The following CFAP77 variants were observed in gnomAD, a reference collection of about 807,000 sequenced individuals.
The protein encoded by CFAP77 is cilia- and flagella-associated protein 77.
Under a neutral mutation model 31.1 loss-of-function variants are expected in CFAP77, and 25 were observed. The ratio of observed to expected loss-of-function variants is 0.80; its 90% confidence interval spans 0.59 to 1.12. The LOEUF (loss-of-function observed/expected upper bound fraction) is 1.12. Ranked by LOEUF, CFAP77 falls within the 50% of genes most tolerant of loss-of-function variation. The pLI is 0.00. For synonymous variants in CFAP77, 151 were observed against 159.9 expected (o/e 0.94, Z 0.42); for missense variants, 377 against 397.3 (o/e 0.95, Z 0.44).
intron 1 of CFAP77, among the ~76,000 whole-genome samples, chr9:132,425,301 A>G (rs1299903144): frequency 6.6e-6 from 1 of 152,088 alleles, no homozygotes. Flanking sequence ...AGGCTCTGTG[A>G]GCAGAAGGGC....
rs1055451563 is a variant in CFAP77, at chr9:132,455,119, G to A, written c.196-43576G>A. On this transcript the variant is annotated intron_variant, in intron 1 of 5. Transcript: ENST00000393216. This position sits in a 1 kb window ranked among gnomAD's most constrained non-coding sequence, Gnocchi z 4.1. ...TTGTTCTACTCGCAGATCCTAGCTG[G>A]CCCTTTCCTAGGCTTTATCAGGCCT... Among the ~76,000 whole-genome samples, 1 of 152,184 alleles carries A rather than the reference G, an allele frequency of 6.6e-6. No individual in the cohort carries two copies. Among genetic ancestry groups the A allele is most frequent in the African/African-American group, 2.4e-5 (1 of 41,446 alleles).
intron 3 of CFAP77, among the ~76,000 whole-genome samples, chr9:132,515,812 C>T (rs1013136505): frequency 1.3e-5 from 2 of 152,238 alleles, no homozygotes; most frequent in African/African-American, 4.8e-5. Flanking sequence ...GAAGGCCACA[C>T]ACTCTCCAGG....
intron 1 of CFAP77, among the ~76,000 whole-genome samples, chr9:132,458,350 G>GA (rs992249198): frequency 7.3e-6 from 1 of 136,454 alleles, no homozygotes; most frequent in Non-Finnish European, 1.6e-5. Flanking sequence ...GGCGGGGGAG[G>GA]GGGGGGGGTG....
intron 5 of CFAP77, among the ~76,000 whole-genome samples, chr9:132,558,776 G>T (rs1470758443): frequency 6.6e-6 from 1 of 152,016 alleles, no homozygotes; most frequent in African/African-American, 2.4e-5. Context: ...ACTTTGGGAG[G>T]CTAAGATGGG....
intron 1 of CFAP77, among the ~76,000 whole-genome samples, chr9:132,434,396 G>A (rs997431710): frequency 1.3e-5 from 2 of 152,076 alleles, no homozygotes; most frequent in African/African-American, 4.8e-5. Flanking sequence ...GCAGTACTTG[G>A]CATAAAGTAG....
At chr9:132,571,027 C>T (rs748686957) in intron 5 of CFAP77, among the ~76,000 whole-genome samples, 2 of 152,138 alleles carry the variant, frequency 1.3e-5, no homozygotes, top group Admixed American at 1.3e-4. Flanking sequence ...CCCTCTACCC[C>T]CTTTTAATAT....
At chr9:132,532,228 G>A (rs901137655) in intron 3 of CFAP77, among the ~76,000 whole-genome samples, 1 of 152,212 alleles carries the variant, frequency 6.6e-6, no homozygotes. Context: ...GCTCAGCCCC[G>A]GCCCAAAGAG....
chr9:132,571,786 C>T (rs1829962416), intron 5 of CFAP77, among the ~76,000 whole-genome samples: 1 of 151,992 alleles, frequency 6.6e-6, no homozygotes, highest in African/African-American at 2.4e-5. Flanking sequence ...GGGTCTTCAC[C>T]CACCACCATT....
At chr9:132,492,221 G>C (rs141301194) in intron 1 of CFAP77, among the ~76,000 whole-genome samples, 3 of 152,114 alleles carry the variant, frequency 2.0e-5, no homozygotes, top group African/African-American at 7.2e-5. Flanking sequence ...CTGGAATGTC[G>C]AGGCTGTAGC....
chr9:132,541,322 A>AC (rs1412822649), intron 4 of CFAP77, among the ~76,000 whole-genome samples: 9 of 152,240 alleles, frequency 5.9e-5, no homozygotes, highest in African/African-American at 2.2e-4. Flanking sequence ...AGCAGAAGGA[A>AC]CTGAGGCTCA....
intron 3 of CFAP77, among the ~76,000 whole-genome samples, chr9:132,516,819 T>C (rs185686576): frequency 9.3e-4 from 142 of 151,882 alleles, no homozygotes; most frequent in African/African-American, 3.3e-3. Context: ...TAAAAAAAAA[T>C]AGATTTAGTG....
intron 5 of CFAP77, among the ~76,000 whole-genome samples, chr9:132,568,380 C>T (rs1829914681): frequency 6.6e-6 from 1 of 151,854 alleles, no homozygotes; most frequent in African/African-American, 2.4e-5. Flanking sequence ...CAAGGAGAAA[C>T]CCCGTTTCTA....
In CFAP77 at chr9:132,439,083, C is replaced by G. The variant is rs1448080280; in HGVS notation, c.195+28617C>G. Among the ~76,000 whole-genome samples the G allele has an allele frequency of 2.0e-5, 3 of 152,016 alleles. No homozygotes were observed. The South Asian group carries it at 6.2e-4, about 32-fold the overall frequency. Reference sequence around the variant, plus strand: ...TAGAGATGGGGTCTCACCATGTTGGCCAAGCTGGTCTCAAACTCCTGACCT... The same window carrying G: ...TAGAGATGGGGTCTCACCATGTTGGGCAAGCTGGTCTCAAACTCCTGACCT... On this transcript the variant is annotated intron_variant, in intron 1 of 5. Transcript: ENST00000393216.
intron 5 of CFAP77, among the ~76,000 whole-genome samples, chr9:132,548,491 G>A (rs186461771): frequency 1.3e-3 from 193 of 152,230 alleles, no homozygotes; most frequent in African/African-American, 4.6e-3. Flanking sequence ...CTCACCAAAC[G>A]CTCGCACGCT....
At chr9:132,456,888 C>T (rs529906494) in intron 1 of CFAP77, among the ~76,000 whole-genome samples, 1 of 152,124 alleles carries the variant, frequency 6.6e-6, no homozygotes, top group South Asian at 2.1e-4. Context: ...GTAGCTGGGA[C>T]TACAAGTGTG....
At chr9:132,502,147 G>A (rs1365410680) in intron 3 of CFAP77, among the ~76,000 whole-genome samples, 1 of 151,970 alleles carries the variant, frequency 6.6e-6, no homozygotes, top group African/African-American at 2.4e-5. Flanking sequence ...GCAGCATCCT[G>A]CCCGGCCCTC....
At chr9:132,457,560 T>G (rs1232975519) in intron 1 of CFAP77, among the ~76,000 whole-genome samples, 1 of 152,220 alleles carries the variant, frequency 6.6e-6, no homozygotes, top group African/African-American at 2.4e-5. Flanking sequence ...TGGTGCTTAG[T>G]GCAGGGAGAA....
chr9:132,560,904 C>T (rs1051761463), intron 5 of CFAP77, among the ~76,000 whole-genome samples: 3 of 152,160 alleles, frequency 2.0e-5, no homozygotes, highest in African/African-American at 4.8e-5. Context: ...CTTGGCTGTT[C>T]TTTGAAATCG....
At chr9:132,572,112 G>A (rs892118610) in intron 5 of CFAP77, among the ~76,000 whole-genome samples, 4 of 152,098 alleles carry the variant, frequency 2.6e-5, no homozygotes, top group East Asian at 1.9e-4. Flanking sequence ...GTCCCATTGC[G>A]TGGTCGTCTG....
Sources: allele counts gnomAD v4.1 joint callset (sites outside exome capture counted in the v4.1 genomes callset), GRCh38; gene constraint gnomAD v4.1.1; non-coding constraint Gnocchi (gnomAD v3.1); transcripts MANE v1.5; gene names NCBI Gene and HGNC (gene_info 2026-07-23, HGNC 2026-07-21).